The following TRPV1 variants were observed in gnomAD, a reference collection of about 807,000 sequenced individuals.
TRPV1 encodes the protein OTRPC1.
Under a neutral mutation model 82.3 loss-of-function variants are expected in TRPV1, and 82 were observed. That is an observed-to-expected ratio of 1.00 (90% CI 0.83 to 1.20). The LOEUF is 1.20. Among genes scored for constraint, TRPV1 ranks in the 50% most tolerant of loss-of-function variants. The probability of loss-of-function intolerance (pLI) is 0.00; values close to 1 mark genes in which losing one functional copy is unlikely to be tolerated. For missense variants in TRPV1, 1,067 were observed against 1,096.8 expected (o/e 0.97, Z 0.38); for synonymous variants, 515 against 467.7 (o/e 1.10, Z -1.30).
intron 14 of TRPV1, among the ~76,000 whole-genome samples, chr17:3,572,783 A>G (rs1027626556): frequency 6.6e-6 from 1 of 152,118 alleles, no homozygotes; most frequent in Non-Finnish European, 1.5e-5. Context: ...AGGAGTTCAA[A>G]ACCAGCCTGG....
rs201437936 is a variant in TRPV1, at chr17:3,590,989, G to A, written c.579C>T (p.Ala193=). 1 of 1,608,996 alleles carries A rather than the reference G, an allele frequency of 6.2e-7. No homozygotes were observed. Among genetic ancestry groups the A allele is most frequent in the African/African-American group, 1.3e-5 (1 of 74,976 alleles). ...QTDSLKELVN[A]SYTDSYYKGQ... is the part of the protein sequence containing the mutation. ...CCTTGTAGTAGCTGTCCGTGTAGCTGGCGTTGACAAGCTCCTTCAGGCTGT... is the reference window on the plus strand; with the variant it reads ...CCTTGTAGTAGCTGTCCGTGTAGCTAGCGTTGACAAGCTCCTTCAGGCTGT... Residue 193 remains alanine, a synonymous_variant, in exon 5 of 17, where the codon GCC becomes GCT. Coordinates refer to ENST00000572705, the MANE Select transcript of TRPV1 (RefSeq NM_080704.4).
chr17:3,579,905 C>G (rs1404205767), intron 11 of TRPV1, among the ~76,000 whole-genome samples: 1 of 151,976 alleles, frequency 6.6e-6, no homozygotes, highest in African/African-American at 2.4e-5. Context: ...TGGAAATGTT[C>G]TTGATTGTCA....
chr17:3,573,592 C>T (rs1178778043), intron 14 of TRPV1, 41 bp downstream of exon 14: 1 of 1,547,736 alleles, frequency 6.5e-7, no homozygotes, highest in Non-Finnish European at 8.7e-7. Context: ...GCCGCCCACA[C>T]TCTCCGCGCC....
At chr17:3,580,870 T>C (rs1207632355) in intron 10 of TRPV1, among the ~76,000 whole-genome samples, 1 of 151,978 alleles carries the variant, frequency 6.6e-6, no homozygotes, top group African/African-American at 2.4e-5. Context: ...TACAAAACAA[T>C]TAGCTGCGCG....
intron 13 of TRPV1, among the ~76,000 whole-genome samples, chr17:3,575,855 T>C (rs2150830291): frequency 6.6e-6 from 1 of 152,170 alleles, no homozygotes; most frequent in Non-Finnish European, 1.5e-5. Flanking sequence ...AGAAACATTG[T>C]CAAAACCACT....
chr17:3,584,943 C>A (rs1471576103), intron 9 of TRPV1, among the ~76,000 whole-genome samples: 3 of 152,222 alleles, frequency 2.0e-5, no homozygotes, highest in Admixed American at 6.5e-5. Context: ...AAAGGCTGGT[C>A]TTAGGCTGAT....
intron 2 of TRPV1, among the ~76,000 whole-genome samples, chr17:3,597,767 A>G (rs2075232466): frequency 7.2e-6 from 1 of 139,750 alleles, no homozygotes; most frequent in Non-Finnish European, 1.5e-5. Flanking sequence ...TCCACCTCCC[A>G]GGTTTAAGCG....
At chr17:3,577,514 G>T in intron 12 of TRPV1, 84 bp downstream of exon 12, 1 of 1,461,104 alleles carries the variant, frequency 6.8e-7, no homozygotes, top group South Asian at 1.3e-5. Flanking sequence ...CGACAGAGAG[G>T]ATGGGCGGAG....
chr17:3,581,367 C>T (rs1013344124), intron 10 of TRPV1, among the ~76,000 whole-genome samples: 2 of 152,144 alleles, frequency 1.3e-5, no homozygotes, highest in Non-Finnish European at 2.9e-5. Context: ...CTGTCCAAGA[C>T]ACCACCACCC....
chr17:3,576,668 A>AAAAAAAAATAT, intron 13 of TRPV1, among the ~76,000 whole-genome samples: 4 of 38,414 alleles, frequency 1.0e-4, no homozygotes, highest in East Asian at 1.7e-3. Context: ...AAAAAAAAAA[A>AAAAAAAAATAT]ATATATATAT....
At position 3,568,026 on chromosome 17, in the gene TRPV1, T is replaced by A. The variant is rs181455808; in HGVS notation, c.2348-1039A>T. On this transcript the variant is annotated intron_variant, in intron 16 of 16. Coordinates refer to ENST00000572705, the MANE Select transcript of TRPV1 (RefSeq NM_080704.4). Reference sequence around the variant, plus strand: ...GTCACTAAATCAACAAGAGTGACATTGAAAAACTACTCAAGGCCGGGCGCG... The same window carrying A: ...GTCACTAAATCAACAAGAGTGACATAGAAAAACTACTCAAGGCCGGGCGCG... Among the ~76,000 whole-genome samples, 244 of 152,160 alleles carry A rather than the reference T, an allele frequency of 1.6e-3. 1 individual carries two copies. The highest frequency in any genetic ancestry group is 2.5e-3 in the East Asian group (13 of 5,188).
intron 2 of TRPV1, among the ~76,000 whole-genome samples, chr17:3,593,118 G>GTC (rs1567672821): frequency 0.011 from 1,121 of 100,828 alleles, 21 homozygotes; most frequent in African/African-American, 0.094. Context: ...GTGTGTGTGT[G>GTC]TGTGTGTGTG....
rs1326498706 is a variant in TRPV1 at position 3,594,157 on chromosome 17, C to A, written c.-33-1774G>T. Among the ~76,000 whole-genome samples, 81 of 111,172 alleles carry A rather than the reference C, an allele frequency of 7.3e-4. 2 individuals carry two copies. The highest frequency in any genetic ancestry group is 5.3e-3 in the African/African-American group (73 of 13,816). 72.9% of individuals were successfully genotyped at this position (111,172 alleles called of 152,430 possible). On this transcript the variant is annotated intron_variant, in intron 2 of 16. Transcript: ENST00000572705. ...AAAAAAAAAAAAAAAAAAAAAGAAG[C>A]AGCAGCAGCAGCAGCAGCAGCAGCT...
At chr17:3,575,885 T>C (rs1031769540) in intron 13 of TRPV1, among the ~76,000 whole-genome samples, 1 of 152,102 alleles carries the variant, frequency 6.6e-6, no homozygotes, top group Non-Finnish European at 1.5e-5. Context: ...TCATTACAAA[T>C]TCTGAGGTCG....
At chr17:3,592,674 C>A in intron 2 of TRPV1, 1 of 367,354 alleles carries the variant, frequency 2.7e-6, no homozygotes, top group Middle Eastern at 7.8e-4. Context: ...TGGGTTAGAC[C>A]CATCCCTCCT....
At chr17:3,579,041 G>A (rs2074972339) in intron 11 of TRPV1, among the ~76,000 whole-genome samples, 1 of 152,102 alleles carries the variant, frequency 6.6e-6, no homozygotes, top group Non-Finnish European at 1.5e-5. Context: ...GAAGCCGGGA[G>A]GGGGACAAGG....
rs1237953997 is a variant in TRPV1 at position 3,609,341 on chromosome 17, G to GAGAGAGAGAGAA, written c.-206_-205insTTCTCTCTCTCT. Reference sequence around the variant, plus strand: ...GGATACTGAGAGAGAGAGAGAGAGAGAGAGAGAGAATACGACTGCTTCCCA... The same window carrying GAGAGAGAGAGAA: ...GGATACTGAGAGAGAGAGAGAGAGAGAGAGAGAGAGAAAGAGAGAGAATACGACTGCTTCCCA... On this transcript the variant is annotated 5_prime_UTR_variant, in exon 1 of 17. Transcript: ENST00000572705. 4 of 152,080 alleles carry GAGAGAGAGAGAA rather than the reference G, an allele frequency of 2.6e-5. No individual in the cohort carries two copies. The highest frequency in any genetic ancestry group is 5.9e-5 in the Non-Finnish European group (4 of 68,022). 9.4% of individuals were successfully genotyped at this position (152,080 alleles called of 1,614,324 possible).
intron 5 of TRPV1, 129 bp from the exon 6 acceptor site, chr17:3,590,521 C>G: frequency 7.3e-6 from 10 of 1,369,490 alleles, no homozygotes; most frequent in Non-Finnish European, 9.7e-6. Flanking sequence ...GCCTGGAGGA[C>G]CCCCCCACTG....
intron 12 of TRPV1, among the ~76,000 whole-genome samples, 188 bp from the exon 13 acceptor site, chr17:3,577,380 A>T (rs1019367657): frequency 1.2e-4 from 18 of 152,100 alleles, no homozygotes; most frequent in African/African-American, 4.1e-4. Flanking sequence ...TGGTCGGGAG[A>T]TGGAGGCCTG....
Sources: gnomAD v4.1 joint callset for allele counts (sites outside exome capture counted in the v4.1 genomes callset) on GRCh38, gnomAD v4.1.1 for gene constraint, MANE v1.5 for transcripts, NCBI Gene and HGNC (gene_info 2026-07-23, HGNC 2026-07-21) for gene names.